NFAT5: variants seen among roughly 807,000 people sequenced by gnomAD.
NFAT5 encodes the protein nuclear factor of activated T cells 5.
Under a neutral mutation model 166.5 loss-of-function variants are expected in NFAT5, and 31 were observed. The ratio of observed to expected loss-of-function variants is 0.19; its 90% CI spans 0.14 to 0.25. The LOEUF is 0.25. NFAT5 is among the 10% of genes least tolerant of loss of function. The probability of loss-of-function intolerance (pLI) is 1.00; values close to 1 mark genes in which losing one functional copy is unlikely to be tolerated. For synonymous variants in NFAT5, 612 were observed against 639.7 expected (o/e 0.96, Z 0.65); for missense variants, 1,449 against 1,821.8 (o/e 0.80, Z 3.72).
chr16:69,684,496 G>T (rs2037206025), intron 10 of NFAT5, among the ~76,000 whole-genome samples: 1 of 151,898 alleles, frequency 6.6e-6, no homozygotes. Context: ...GGAGGTGGAG[G>T]TTGCAGTGAG....
chr16:69,698,519 T>C lies in NFAT5; in HGVS notation c.*2168T>C, dbSNP rs1166868456. ...GGGGGGGTGGGGTTTGTTATGTCTTTATTGAGTATTTAAGTATCTTTTGAA... is the reference window on the plus strand; with the variant it reads ...GGGGGGGTGGGGTTTGTTATGTCTTCATTGAGTATTTAAGTATCTTTTGAA... On this transcript the variant is annotated 3_prime_UTR_variant, in exon 15 of 15. Coordinates refer to ENST00000349945, the MANE Select transcript of NFAT5 (RefSeq NM_138713.4). 1 of 152,370 alleles carries C rather than the reference T, an allele frequency of 6.6e-6. No homozygotes were observed. Among genetic ancestry groups the C allele is most frequent in the Non-Finnish European group, 1.5e-5 (1 of 67,986 alleles). 9.4% of individuals were successfully genotyped at this position (152,370 alleles called of 1,614,324 possible). A position where few individuals can be genotyped will look rare whatever the true frequency, so the allele number is the denominator to read the frequency against.
At chr16:69,596,040 A>AT (rs2032769721) in intron 2 of NFAT5, among the ~76,000 whole-genome samples, 1 of 152,136 alleles carries the variant, frequency 6.6e-6, no homozygotes, top group Non-Finnish European at 1.5e-5. Context: ...TTAAATTGGA[A>AT]TTTTTCATTT....
chr16:69,625,515 C>T (rs1207826269), intron 2 of NFAT5, among the ~76,000 whole-genome samples: 2 of 150,422 alleles, frequency 1.3e-5, no homozygotes, highest in East Asian at 3.9e-4. Context: ...GAAGTATTTG[C>T]TTGAGCCATA....
chr16:69,614,032 G>C (rs1445199871), intron 2 of NFAT5, among the ~76,000 whole-genome samples: 2 of 152,188 alleles, frequency 1.3e-5, no homozygotes. Context: ...CCAAGATTCT[G>C]TTGCCTTTTT....
At chr16:69,675,537 A>T (rs1188992178) in intron 9 of NFAT5, among the ~76,000 whole-genome samples, 4 of 152,208 alleles carry the variant, frequency 2.6e-5, no homozygotes. Context: ...GCATATTTGT[A>T]CATGTTTTTC....
At chr16:69,695,058 T>A in intron 13 of NFAT5, 78 bp from the exon 14 acceptor site, 1 of 1,017,700 alleles carries the variant, frequency 9.8e-7, no homozygotes, top group East Asian at 2.4e-5. Context: ...GAATCTTTAC[T>A]AATCAGATAG....
intron 6 of NFAT5, among the ~76,000 whole-genome samples, 182 bp downstream of exon 6, chr16:69,655,981 A>G (rs962983112): frequency 3.3e-5 from 5 of 152,258 alleles, no homozygotes; most frequent in Admixed American, 1.3e-4. Flanking sequence ...ACCATTTGCT[A>G]AAGAATTCCC....
rs370617398 is a variant in NFAT5, at chr16:69,692,099, A to G, written c.2274A>G (p.Gln758=). 309 of 1,614,044 alleles carry G rather than the reference A, an allele frequency of 1.9e-4. No individual in the cohort carries two copies. Among genetic ancestry groups the G allele is most frequent in the Non-Finnish European group, 2.5e-4 (291 of 1,180,044 alleles). Residue 758 remains glutamine (Q), a synonymous_variant, in exon 13 of 15, where the codon CAA becomes CAG. Transcript: ENST00000349945. ...CACAACTGACTGAGGCATCACAACA[A>G]CAGCAGCAGTCACCACTACAAGAAC... The part of the protein sequence containing the change: ...NLSQLTEASQ[Q]QQQSPLQEQA...
At chr16:69,590,079 AAGG>A (rs761974323) in intron 2 of NFAT5, among the ~76,000 whole-genome samples, 32 of 152,280 alleles carry the variant, frequency 2.1e-4, no homozygotes, top group Non-Finnish European at 4.1e-4. Flanking sequence ...GAGACTGATA[AAGG>A]AGAATTGCAT....
intron 4 of NFAT5, chr16:69,648,204 C>A (rs974766890): frequency 3.1e-6 from 3 of 964,542 alleles, no homozygotes; most frequent in African/African-American, 3.6e-5. Flanking sequence ...AAAAAAAAAA[C>A]CGAAAGAACT....
intron 2 of NFAT5, among the ~76,000 whole-genome samples, chr16:69,600,187 A>T (rs1424824311): frequency 1.3e-5 from 2 of 152,184 alleles, no homozygotes; most frequent in East Asian, 3.9e-4. Context: ...GGACATGAAG[A>T]GAGGAGTAGA....
At chr16:69,677,993 A>C (rs1472883385) in intron 10 of NFAT5, among the ~76,000 whole-genome samples, 1 of 151,560 alleles carries the variant, frequency 6.6e-6, no homozygotes, top group Non-Finnish European at 1.5e-5. Context: ...TCTCTACTAA[A>C]AATACAAAAA....
chr16:69,584,329 T>C (rs530313616), intron 2 of NFAT5, among the ~76,000 whole-genome samples: 1 of 151,724 alleles, frequency 6.6e-6, no homozygotes, highest in Non-Finnish European at 1.5e-5. Context: ...TCTTTTTTTT[T>C]TTTTTGACAG....
At chr16:69,690,395 CTAAT>C (rs547171423) in intron 11 of NFAT5, 3 of 151,664 alleles carry the variant, frequency 2.0e-5, no homozygotes, top group Admixed American at 1.3e-4. Flanking sequence ...TTCAAGTTTT[CTAAT>C]TAATTTAGTT....
intron 6 of NFAT5, 39 bp downstream of exon 6, chr16:69,655,838 T>C: frequency 1.3e-6 from 2 of 1,489,434 alleles, no homozygotes; most frequent in South Asian, 1.3e-5. Context: ...TACATTACAC[T>C]CTTGTGTTAG....
chr16:69,599,521 A>C (rs903287771), intron 2 of NFAT5, among the ~76,000 whole-genome samples: 1 of 152,182 alleles, frequency 6.6e-6, no homozygotes, highest in East Asian at 1.9e-4. Context: ...CAGTGAGCCA[A>C]GATTGTGCCA....
chr16:69,678,807 A>C (rs965073914), intron 10 of NFAT5, among the ~76,000 whole-genome samples: 1 of 152,244 alleles, frequency 6.6e-6, no homozygotes. Flanking sequence ...GTGAGGTAGA[A>C]GGTAAAGAAT....
rs746671507 is a variant in NFAT5, at chr16:69,692,449, C to A, written c.2624C>A (p.Pro875Gln). 6 of 1,614,198 alleles carry A rather than the reference C, an allele frequency of 3.7e-6. No individual in the cohort carries two copies. Among genetic ancestry groups the A allele is most frequent in the Non-Finnish European group, 3.4e-6 (4 of 1,180,042 alleles). The change falls in exon 13 of 15, where the codon CCA becomes CAA. Residue 875 changes from proline to glutamine, a missense_variant. Physicochemically the swap from Pro to Gln is moderately conservative, Grantham distance 76. This residue lies in a region of NFAT5 where 891 missense variants were observed against 993.0 expected (regional missense o/e 0.90). Coordinates refer to ENST00000349945, the MANE Select transcript of NFAT5 (RefSeq NM_138713.4). ...SSTEPTVHTR[P>Q]DNLLPGRAES... is the part of the protein sequence containing the mutation. The stretch of plus-strand genomic sequence containing the variant: ...ACAGAGCCAACAGTCCATACCAGAC[C>A]AGATAATTTATTACCTGGAAGAGCT...
At chr16:69,675,627 G>GT (rs2036801006) in intron 9 of NFAT5, among the ~76,000 whole-genome samples, 1 of 151,960 alleles carries the variant, frequency 6.6e-6, no homozygotes, top group Admixed American at 6.6e-5. Flanking sequence ...TTAGAAGCTA[G>GT]TTTTTTGTTT....
Sources: allele counts gnomAD v4.1 joint callset (sites outside exome capture counted in the v4.1 genomes callset), GRCh38; gene constraint gnomAD v4.1.1; regional missense constraint gnomAD v4.1.1; transcripts MANE v1.5; gene names NCBI Gene and HGNC (gene_info 2026-07-23, HGNC 2026-07-21).